Variants in MFSD12 observed in about 807,000 individuals in gnomAD.
The protein encoded by MFSD12 is major facilitator superfamily domain containing 12.
Under a neutral mutation model 51.2 loss-of-function variants are expected in MFSD12, and 67 were observed. That is an observed-to-expected ratio of 1.31 (90% confidence interval 1.08 to 1.60). The LOEUF is 1.60. MFSD12 is among the 40% of genes most tolerant of loss of function. MFSD12 has a pLI of 0.00. For synonymous variants in MFSD12, 441 were observed against 316.7 expected, an observed-to-expected ratio of 1.39 and a Z score of -4.17; for missense variants, 921 against 673.0, an observed-to-expected ratio of 1.37 and a Z score of -4.08.
chr19:3,548,510 T>G (rs899044508), intron 2 of MFSD12, among the ~76,000 whole-genome samples: 4 of 152,214 alleles, frequency 2.6e-5, no homozygotes, highest in Admixed American at 6.5e-5. Context: ...CAGGGTACAG[T>G]GACTCGGCCA....
At chr19:3,544,760 A>G (rs1157377141) in intron 9 of MFSD12, 28 bp from the exon 10 acceptor site, 2 of 1,303,108 alleles carry the variant, frequency 1.5e-6, no homozygotes, top group South Asian at 1.2e-5. Context: ...AAATGGCATT[A>G]GAGAGTGTGG....
At chr19:3,549,568 C>CA (rs1158314887) in intron 2 of MFSD12, among the ~76,000 whole-genome samples, 3 of 150,764 alleles carry the variant, frequency 2.0e-5, no homozygotes, top group African/African-American at 4.9e-5. Flanking sequence ...ACTAAAAATA[C>CA]AAAAATTAGC....
chr19:3,544,627 T>TG lies in MFSD12; in HGVS notation c.*82dup. On this transcript the variant is annotated 3_prime_UTR_variant, in exon 10 of 10. Coordinates refer to ENST00000355415, the MANE Select transcript of MFSD12 (RefSeq NM_174983.5). ...GGGTCCAGAGAAGAGTGAGGGGCAG[T>TG]GGGGGCTTTTCCCCAAGGCCCTGGG... The TG allele has an allele frequency of 6.6e-7, 1 of 1,519,602 alleles. No individual in the cohort carries two copies. Among genetic ancestry groups the TG allele is most frequent in the Non-Finnish European group, 8.8e-7 (1 of 1,132,524 alleles). 94.1% of individuals were successfully genotyped at this position (1,519,602 alleles called of 1,614,324 possible).
chr19:3,548,922 C>A (rs2031288752), intron 2 of MFSD12, among the ~76,000 whole-genome samples: 1 of 152,154 alleles, frequency 6.6e-6, no homozygotes, highest in Admixed American at 6.5e-5. Flanking sequence ...GAACTCAAAT[C>A]TGGGGGTGGG....
chr19:3,557,391 G>T lies in MFSD12; in HGVS notation c.13C>A (p.Pro5Thr), dbSNP rs559196467. 15 of 1,285,820 alleles carry T rather than the reference G, an allele frequency of 1.2e-5. No homozygotes were observed. In the South Asian group the frequency reaches 4.5e-4, roughly 38 times the overall value. 79.7% of individuals were successfully genotyped at this position (1,285,820 alleles called of 1,614,324 possible). A position where few individuals can be genotyped will look rare whatever the true frequency, so the allele number is the denominator to read the frequency against. MGPG[P>T]PAAGAAPSPR... Reference sequence around the variant, plus strand: ...GACGGCGCCGCTCCGGCCGCTGGGGGTCCCGGGCCCATCGCGGCGCCGGGC... The same window carrying T: ...GACGGCGCCGCTCCGGCCGCTGGGGTTCCCGGGCCCATCGCGGCGCCGGGC... The change falls in exon 1 of 10, where the codon CCC becomes ACC. Residue 5 changes from proline to threonine, a missense_variant. Coordinates refer to ENST00000355415, the MANE Select transcript of MFSD12 (RefSeq NM_174983.5).
rs1206510218 is a variant in MFSD12, at chr19:3,551,111, G to C, written c.382C>G (p.Leu128Val). Residue 128 changes from leucine to valine, a missense_variant, in exon 2 of 10, where the codon CTC (leucine) becomes GTC (valine). Transcript: ENST00000355415. The surrounding 1 kb of genome is among the most constrained non-coding windows in gnomAD (Gnocchi z 4.6). ...CGAATPEWAALLYYGPFIVIF... is the reference protein window; with the variant it reads ...CGAATPEWAAVLYYGPFIVIF... ...ACGATGAACGGGCCGTAGTAGAGGA[G>C]GGCAGCCCACTCGGGCGTGGCCGCC... 3.7e-6 allele frequency: 6 copies of C among 1,613,008 alleles called. No individual in the cohort carries two copies. The highest frequency in any genetic ancestry group is 5.1e-6 in the Non-Finnish European group (6 of 1,179,994).
intron 1 of MFSD12, among the ~76,000 whole-genome samples, chr19:3,553,887 G>A (rs34822862): frequency 0.19 from 29,123 of 150,850 alleles, 4,429 homozygotes; most frequent in East Asian, 0.75. Flanking sequence ...TTCGAGACCA[G>A]CCTGACCAAC....
chr19:3,556,972 C>A (rs2031757580), intron 1 of MFSD12, 134 bp downstream of exon 1: 1 of 881,680 alleles, frequency 1.1e-6, no homozygotes, highest in Non-Finnish European at 1.6e-6. Flanking sequence ...GCTCGGGCCA[C>A]GGGACAGACA....
intron 2 of MFSD12, among the ~76,000 whole-genome samples, chr19:3,549,216 C>T (rs912727171): frequency 2.6e-5 from 4 of 152,192 alleles, no homozygotes; most frequent in African/African-American, 9.7e-5. Flanking sequence ...ATAAGCCGGG[C>T]ACCCGCTGTA....
downstream of MFSD12, among the ~76,000 whole-genome samples, chr19:3,540,467 A>T (rs1331689640): frequency 1.3e-5 from 2 of 149,446 alleles, no homozygotes; most frequent in Admixed American, 6.7e-5. Flanking sequence ...CATGTTGGCC[A>T]GGATGGTCTC....
At chr19:3,552,014 C>G (rs2031501611) in intron 1 of MFSD12, among the ~76,000 whole-genome samples, 1 of 152,106 alleles carries the variant, frequency 6.6e-6, no homozygotes, top group Non-Finnish European at 1.5e-5. Context: ...GTCACCTCCT[C>G]GAACACCTCT....
intron 8 of MFSD12, among the ~76,000 whole-genome samples, 160 bp from the exon 9 acceptor site, chr19:3,545,099 G>C (rs2030875189): frequency 6.6e-6 from 1 of 151,998 alleles, no homozygotes; most frequent in South Asian, 2.1e-4. Flanking sequence ...ACACCCAACA[G>C]CTCGGCCAGT....
At position 3,546,245 on chromosome 19, in the gene MFSD12, C is replaced by T. The variant is rs1466612232; in HGVS notation, c.1194+10G>A. 8 of 1,607,576 alleles carry T rather than the reference C, an allele frequency of 5.0e-6. No individual in the cohort carries two copies. Among genetic ancestry groups the T allele is most frequent in the Non-Finnish European group, 6.8e-6 (8 of 1,176,378 alleles). ...GGCCTCCCCCACCCCAGCCTGGCTA[C>T]CAGCCCTACCGTGTGGGGACCGATG... On this transcript the variant is annotated intron_variant, in intron 7 of 9. Transcript: ENST00000355415.
intron 2 of MFSD12, among the ~76,000 whole-genome samples, chr19:3,550,392 TTTTTG>T (rs909768147): frequency 6.6e-6 from 1 of 151,284 alleles, no homozygotes; most frequent in African/African-American, 2.4e-5. Flanking sequence ...CTACAAAAAC[TTTTTG>T]TTTTTTTTTT....
At chr19:3,544,157 A>C, downstream of MFSD12, 4 of 1,377,404 alleles carry the variant, frequency 2.9e-6, no homozygotes, top group Non-Finnish European at 2.8e-6. Flanking sequence ...TGCCCAGGCT[A>C]CCCCTGCCCA....
At chr19:3,540,084 CTTTT>C (rs2030236758), downstream of MFSD12, 2 of 132,100 alleles carry the variant, frequency 1.5e-5, no homozygotes, top group Admixed American at 1.6e-4. Context: ...AGACCCATCT[CTTTT>C]CTTTTTTTTT....
chr19:3,554,514 T>A (rs912244958), intron 1 of MFSD12, among the ~76,000 whole-genome samples: 5 of 151,922 alleles, frequency 3.3e-5, no homozygotes, highest in Non-Finnish European at 5.9e-5. Context: ...AGAGTTCATG[T>A]GTGGCACCAG....
chr19:3,551,995 A>G lies in MFSD12; in HGVS notation c.299-801T>C, dbSNP rs1457331240. Among the ~76,000 whole-genome samples, 1 of 151,944 alleles carries G rather than the reference A, an allele frequency of 6.6e-6. No individual in the cohort carries two copies. Among genetic ancestry groups the G allele is most frequent in the Non-Finnish European group, 1.5e-5 (1 of 67,992 alleles). On this transcript the variant is annotated intron_variant, in intron 1 of 9. Coordinates refer to ENST00000355415, the MANE Select transcript of MFSD12 (RefSeq NM_174983.5). This position sits in a 1 kb window ranked among gnomAD's most constrained non-coding sequence, Gnocchi z 4.6. ...CTGGCTCCTTTTCACCTCTGGGCTC[A>G]ACGGGAATGTCACCTCCTCGAACAC... is the stretch of plus-strand genomic sequence containing the variant.
intron 1 of MFSD12, 64 bp downstream of exon 1, chr19:3,557,042 G>A (rs2031762808): frequency 2.2e-6 from 3 of 1,378,926 alleles, no homozygotes; most frequent in South Asian, 3.2e-5. Flanking sequence ...TCAGAGGGAG[G>A]AGGCGCCCGG....
Sources: allele counts gnomAD v4.1 joint callset (sites outside exome capture counted in the v4.1 genomes callset), GRCh38; gene constraint gnomAD v4.1.1; non-coding constraint Gnocchi (gnomAD v3.1); transcripts MANE v1.5; gene names NCBI Gene and HGNC (gene_info 2026-07-23, HGNC 2026-07-21).